The following PHACTR1 variants were observed in gnomAD, a reference collection of about 807,000 sequenced individuals.
The protein encoded by PHACTR1 is RPEL repeat containing 1.
A neutral mutation model predicts 69.2 loss-of-function variants in PHACTR1; 16 were observed. The ratio of observed to expected loss-of-function variants is 0.23; its 90% CI spans 0.16 to 0.35. The LOEUF (loss-of-function observed/expected upper bound fraction) is 0.35. Among genes scored for constraint, PHACTR1 ranks in the 10% least tolerant of loss-of-function variants. PHACTR1 has a pLI of 1.00. For synonymous variants in PHACTR1, 312 were observed against 284.5 expected (o/e 1.10, Z -0.97); for missense variants, 510 against 734.7 (o/e 0.69, Z 3.54).
At chr6:12,935,188 G>A (rs1789302893) in intron 4 of PHACTR1, among the ~76,000 whole-genome samples, 1 of 152,126 alleles carries the variant, frequency 6.6e-6, no homozygotes. Flanking sequence ...TCCACGGTGT[G>A]AAGAACAAAC....
chr6:13,149,107 C>A (rs1269243614), intron 5 of PHACTR1, among the ~76,000 whole-genome samples: 1 of 151,542 alleles, frequency 6.6e-6, no homozygotes, highest in African/African-American at 2.4e-5. Flanking sequence ...AAGAGCACGG[C>A]CCCTGCTGAG....
chr6:12,964,214 C>CACTCTTTGAGAAAAGGAATCAA (rs1321007464), intron 4 of PHACTR1, among the ~76,000 whole-genome samples: 1 of 151,900 alleles, frequency 6.6e-6, no homozygotes, highest in Non-Finnish European at 1.5e-5. Flanking sequence ...AAGAGTTCCG[C>CACTCTTTGAGAAAAGGAATCAA]AGTATATGAG....
chr6:13,152,507 T>G (rs1824466223), intron 5 of PHACTR1, among the ~76,000 whole-genome samples: 1 of 152,158 alleles, frequency 6.6e-6, no homozygotes, highest in Non-Finnish European at 1.5e-5. Flanking sequence ...AAAAAATGAC[T>G]AAACTAGAAC....
intron 7 of PHACTR1, among the ~76,000 whole-genome samples, chr6:13,188,967 G>A (rs1389094815): frequency 1.3e-5 from 2 of 152,178 alleles, no homozygotes; most frequent in Non-Finnish European, 2.9e-5. Flanking sequence ...GGTGATGAAG[G>A]CAAAAGCCAC....
At chr6:13,194,076 G>A (rs1410088574) in intron 7 of PHACTR1, among the ~76,000 whole-genome samples, 1 of 152,116 alleles carries the variant, frequency 6.6e-6, no homozygotes, top group Non-Finnish European at 1.5e-5. Context: ...TTTGTTCCAT[G>A]ATTAGAAGGA....
chr6:12,856,659 C>T (rs1338395099), intron 4 of PHACTR1, among the ~76,000 whole-genome samples: 1 of 152,232 alleles, frequency 6.6e-6, no homozygotes, highest in African/African-American at 2.4e-5. Flanking sequence ...GCGAATCCCA[C>T]TTCCTGCTGG....
intron 5 of PHACTR1, among the ~76,000 whole-genome samples, chr6:13,134,840 T>C (rs1296889259): frequency 1.4e-5 from 2 of 145,868 alleles, no homozygotes; most frequent in Admixed American, 1.4e-4. Flanking sequence ...AGTAATTCCA[T>C]GAGGCAGGGG....
At chr6:12,720,385 A>C (rs1217875973) in intron 3 of PHACTR1, among the ~76,000 whole-genome samples, 1 of 152,204 alleles carries the variant, frequency 6.6e-6, no homozygotes, top group Non-Finnish European at 1.5e-5. Context: ...GGGATGCTTT[A>C]AGCCTTTAAG....
chr6:13,098,898 C>T (rs1167033555), intron 5 of PHACTR1, among the ~76,000 whole-genome samples: 4 of 152,224 alleles, frequency 2.6e-5, no homozygotes, highest in Non-Finnish European at 2.9e-5. Flanking sequence ...CCTACATCCA[C>T]GTGGGCAACT....
intron 4 of PHACTR1, among the ~76,000 whole-genome samples, chr6:13,017,596 T>C (rs186428971): frequency 3.5e-4 from 53 of 152,312 alleles, no homozygotes; most frequent in Non-Finnish European, 5.4e-4. Flanking sequence ...TAGGAGCATA[T>C]GATTTAATTT....
chr6:12,972,255 C>G (rs1794303840), intron 4 of PHACTR1, among the ~76,000 whole-genome samples: 1 of 152,202 alleles, frequency 6.6e-6, no homozygotes, highest in South Asian at 2.1e-4. Flanking sequence ...GGGGATGTCT[C>G]ATCTAAAGCT....
At chr6:12,947,432 A>G (rs1341103024) in intron 4 of PHACTR1, among the ~76,000 whole-genome samples, 1 of 152,028 alleles carries the variant, frequency 6.6e-6, no homozygotes, top group Non-Finnish European at 1.5e-5. Flanking sequence ...AGAGGGTTCA[A>G]TGAGAAATAA....
At chr6:12,956,731 A>C (rs1791942425) in intron 4 of PHACTR1, among the ~76,000 whole-genome samples, 1 of 152,200 alleles carries the variant, frequency 6.6e-6, no homozygotes. Context: ...GTGGCAAAAA[A>C]TAATAGAAGA....
chr6:12,944,777 A>ATTTTTTTT (rs757721726), intron 4 of PHACTR1, among the ~76,000 whole-genome samples: 6 of 135,760 alleles, frequency 4.4e-5, no homozygotes, highest in African/African-American at 1.7e-4. Context: ...TTATTTATTT[A>ATTTTTTTT]TTTTTATTTA....
At chr6:12,862,584 C>T (rs1781050177) in intron 4 of PHACTR1, among the ~76,000 whole-genome samples, 1 of 152,116 alleles carries the variant, frequency 6.6e-6, no homozygotes, top group South Asian at 2.1e-4. Flanking sequence ...AGTTACTACT[C>T]ATACAGCCAT....
At chr6:12,717,868 T>A (rs916919093) in intron 2 of PHACTR1, 125 bp downstream of exon 2, 1 of 152,190 alleles carries the variant, frequency 6.6e-6, no homozygotes, top group African/African-American at 2.4e-5. Flanking sequence ...ACTTCCAAGC[T>A]TGGTTTTAAT....
chr6:12,999,403 G>A (rs1797821256), intron 4 of PHACTR1, among the ~76,000 whole-genome samples: 1 of 152,152 alleles, frequency 6.6e-6, no homozygotes, highest in African/African-American at 2.4e-5. Context: ...TTCAAGACCA[G>A]CCTGGCCAAG....
Position 13,039,128 on chromosome 6 carries a change from G to A in PHACTR1, c.251-14237G>A, listed in dbSNP as rs139058963. Among the ~76,000 whole-genome samples the A allele has an allele frequency of 2.8e-3, 422 of 152,226 alleles. 2 individuals carry two copies. The highest frequency in any genetic ancestry group is 9.6e-3 in the African/African-American group (399 of 41,548). ...AAATAGAAGAATGGATTTGGCAGGC[G>A]GCCAGTTTTCTCTGCCATTGTCAAT... On this transcript the variant is annotated intron_variant, in intron 4 of 14. Transcript: ENST00000332995.
chr6:12,723,336 G>C (rs1342316742), intron 3 of PHACTR1, among the ~76,000 whole-genome samples: 1 of 152,072 alleles, frequency 6.6e-6, no homozygotes, highest in African/African-American at 2.4e-5. Flanking sequence ...GGCTTGTTAG[G>C]AATGTAGCAT....
Sources: gnomAD v4.1 joint callset for allele counts (sites outside exome capture counted in the v4.1 genomes callset) on GRCh38, gnomAD v4.1.1 for gene constraint, MANE v1.5 for transcripts, NCBI Gene and HGNC (gene_info 2026-07-23, HGNC 2026-07-21) for gene names.